The following EXOC5 variants were observed in gnomAD, a reference collection of about 807,000 sequenced individuals.
EXOC5 encodes the protein exocyst complex component 5.
Under a neutral mutation model 90.8 loss-of-function variants are expected in EXOC5, and 17 were observed. That is an observed-to-expected ratio of 0.19 (90% confidence interval 0.13 to 0.28). EXOC5 has a LOEUF of 0.28. EXOC5 is among the 10% of genes least tolerant of loss of function. The pLI, the probability that EXOC5 is intolerant of heterozygous loss-of-function variation, is 1.00. For synonymous variants in EXOC5, 260 were observed against 270.0 expected, an observed-to-expected ratio of 0.96 and a Z score of 0.36; for missense variants, 569 against 830.6, an observed-to-expected ratio of 0.69 and a Z score of 3.87.
intron 15 of EXOC5, among the ~76,000 whole-genome samples, chr14:57,213,030 T>C (rs1398338190): frequency 6.6e-6 from 1 of 152,064 alleles, no homozygotes; most frequent in East Asian, 1.9e-4. Flanking sequence ...TCCAATACCA[T>C]ACTCTTCTGT....
At chr14:57,251,685 A>G (rs1324607013) in intron 1 of EXOC5, among the ~76,000 whole-genome samples, 1 of 152,018 alleles carries the variant, frequency 6.6e-6, no homozygotes, top group Non-Finnish European at 1.5e-5. Context: ...AGCTAACAGA[A>G]GGAAGGAAAT....
intron 4 of EXOC5, chr14:57,243,244 A>G (rs1038359597): frequency 2.0e-5 from 3 of 152,216 alleles, no homozygotes; most frequent in African/African-American, 7.2e-5. Flanking sequence ...TTGAAAAACT[A>G]AATTTTTCAA....
chr14:57,262,920 A>G (rs1317277633), intron 1 of EXOC5, among the ~76,000 whole-genome samples: 2 of 151,960 alleles, frequency 1.3e-5, no homozygotes, highest in Admixed American at 1.3e-4. Flanking sequence ...ATTCTTTTCA[A>G]ATTTCTTCTC....
chr14:57,207,750 A>G lies in EXOC5; in HGVS notation c.*859T>C, dbSNP rs2139603636. On this transcript the variant is annotated 3_prime_UTR_variant, in exon 18 of 18. Transcript: ENST00000621441. ...AACACTGTCAGTATTTCCTATATGCACCATTTAGACTATACCTCACTTTTT... is the reference window on the plus strand; with the variant it reads ...AACACTGTCAGTATTTCCTATATGCGCCATTTAGACTATACCTCACTTTTT... 1 of 152,222 alleles carries G rather than the reference A, an allele frequency of 6.6e-6. No individual in the cohort carries two copies. The highest frequency in any genetic ancestry group is 6.6e-5 in the Admixed American group (1 of 15,264). 9.4% of individuals were successfully genotyped at this position (152,222 alleles called of 1,614,324 possible).
rs542907975 is a variant in EXOC5 at position 57,236,946 on chromosome 14, G to A, written c.559+392C>T. Among the ~76,000 whole-genome samples, 6 of 151,902 alleles carry A rather than the reference G, an allele frequency of 3.9e-5. No individual in the cohort carries two copies. The South Asian group carries it at 1.2e-3, about 32-fold the overall frequency. The stretch of plus-strand genomic sequence containing the variant: ...GAGAGAATCTTATTCAGAGATAGAT[G>A]TATGGAAAGCACAGGATTTCCAAAA... On this transcript the variant is annotated intron_variant, in intron 6 of 17. Transcript: ENST00000621441.
intron 13 of EXOC5, among the ~76,000 whole-genome samples, chr14:57,220,330 T>C (rs1269087897): frequency 1.3e-5 from 2 of 152,008 alleles, no homozygotes; most frequent in African/African-American, 4.8e-5. Flanking sequence ...ATATGAATCA[T>C]TGTTATTAAT....
At position 57,200,757 on chromosome 14, in the gene EXOC5, T is replaced by TGAA. The variant is rs1882476585; in HGVS notation, c.*7851_*7852insTTC. On this transcript the variant is annotated 3_prime_UTR_variant, in exon 18 of 18. Transcript: ENST00000621441. ...AGCTTTACTAATTTGCTCACTACAT[T>TGAA]AAAAAAAAAAAAAAAAAACTTCCAC... 7.4e-6 allele frequency: 1 copy of TGAA among 134,280 alleles called. No individual in the cohort carries two copies. 8.3% of individuals were successfully genotyped at this position (134,280 alleles called of 1,614,324 possible). A position where few individuals can be genotyped will look rare whatever the true frequency, so the allele number is the denominator to read the frequency against.
rs200409962 is a variant in EXOC5 at position 57,222,738 on chromosome 14, C to CAT, written c.1297-324_1297-323dup. On this transcript the variant is annotated intron_variant, in intron 12 of 17. Coordinates refer to ENST00000621441, the MANE Select transcript of EXOC5 (RefSeq NM_006544.4). ...TACCCCCATATATTATATACACACA[C>CAT]ATATATATATACACACACACACACA... 2.2e-4 allele frequency among the ~76,000 whole-genome samples: 32 copies of CAT among 147,582 alleles called. No homozygotes were observed. In the Middle Eastern group the frequency reaches 0.01, roughly 48 times the overall value.
At chr14:57,246,269 GA>G (rs1341710583) in intron 3 of EXOC5, among the ~76,000 whole-genome samples, 4 of 152,118 alleles carry the variant, frequency 2.6e-5, no homozygotes, top group African/African-American at 9.7e-5. Context: ...TGACTTTTGT[GA>G]AACTTCCCAG....
chr14:57,254,848 A>C (rs1210424614), intron 1 of EXOC5, among the ~76,000 whole-genome samples: 1 of 152,196 alleles, frequency 6.6e-6, no homozygotes, highest in African/African-American at 2.4e-5. Flanking sequence ...AGGCCTCAGC[A>C]TGATAACTAC....
chr14:57,222,504 T>C (rs1048083939), intron 12 of EXOC5, 88 bp from the exon 13 acceptor site: 12 of 628,876 alleles, frequency 1.9e-5, no homozygotes, highest in Non-Finnish European at 3.4e-5. Context: ...TTTTATAGGA[T>C]GTAGTCAGTG....
chr14:57,218,679 G>A (rs1359851970), intron 14 of EXOC5, among the ~76,000 whole-genome samples: 2 of 152,142 alleles, frequency 1.3e-5, no homozygotes, highest in East Asian at 3.9e-4. Flanking sequence ...GGGATTACAA[G>A]TGACTGTTAT....
chr14:57,238,789 T>C lies in EXOC5; in HGVS notation c.530+806A>G, dbSNP rs576294917. 2.6e-5 allele frequency among the ~76,000 whole-genome samples: 4 copies of C among 152,178 alleles called. No individual in the cohort carries two copies. The East Asian group carries it at 5.8e-4, about 22-fold the overall frequency. ...TAAGCTAAGTATAGCAATATATCCA[T>C]ATTTTACCTGTTCCTGAAGATCTTC... On this transcript the variant is annotated intron_variant, in intron 5 of 17. Transcript: ENST00000621441.
At chr14:57,252,435 C>T (rs1228896797) in intron 1 of EXOC5, among the ~76,000 whole-genome samples, 2 of 151,978 alleles carry the variant, frequency 1.3e-5, no homozygotes, top group Non-Finnish European at 2.9e-5. Context: ...GAACTCAACT[C>T]AATAGGAAGA....
intron 1 of EXOC5, among the ~76,000 whole-genome samples, chr14:57,266,496 TTTAA>T (rs1160367509): frequency 6.6e-6 from 1 of 152,138 alleles, no homozygotes; most frequent in East Asian, 1.9e-4. Flanking sequence ...CTATTATGCT[TTTAA>T]TTATGATGAA....
chr14:57,252,805 A>G (rs950020533), intron 1 of EXOC5, among the ~76,000 whole-genome samples: 3 of 152,212 alleles, frequency 2.0e-5, no homozygotes, highest in African/African-American at 7.2e-5. Context: ...AAAGGAAATG[A>G]AATCAGTATG....
intron 1 of EXOC5, among the ~76,000 whole-genome samples, chr14:57,261,174 C>T (rs886618258): frequency 6.6e-6 from 1 of 152,084 alleles, no homozygotes; most frequent in Admixed American, 6.6e-5. Flanking sequence ...CTAGAACTTT[C>T]GTTTAATTTG....
At chr14:57,263,541 G>A (rs1271444481) in intron 1 of EXOC5, among the ~76,000 whole-genome samples, 1 of 151,668 alleles carries the variant, frequency 6.6e-6, no homozygotes, top group African/African-American at 2.4e-5. Flanking sequence ...GCCGAGGCAG[G>A]TCGATCATGA....
rs912656621 is a variant in EXOC5, at chr14:57,202,227, A to G, written c.*6382T>C. 6.6e-6 allele frequency: 1 copy of G among 152,158 alleles called. No homozygotes were observed. The highest frequency in any genetic ancestry group is 2.4e-5 in the African/African-American group (1 of 41,436). The allele number at this position is 152,158 out of a possible 1,614,324, so 9.4% of individuals were successfully genotyped here. On this transcript the variant is annotated 3_prime_UTR_variant, in exon 18 of 18. Transcript: ENST00000621441. The stretch of plus-strand genomic sequence containing the variant: ...ATGTCCAGAGTCAAAAAAGTCAAGG[A>G]AAGACTGTGGAACTGTGTCAGAATG...
Sources: allele counts gnomAD v4.1 joint callset (sites outside exome capture counted in the v4.1 genomes callset), GRCh38; gene constraint gnomAD v4.1.1; transcripts MANE v1.5; gene names NCBI Gene and HGNC (gene_info 2026-07-23, HGNC 2026-07-21).